The following SYN3 variants were observed in gnomAD, a reference collection of about 807,000 sequenced individuals.
SYN3 encodes the protein synapsin-3.
A neutral mutation model predicts 65.8 loss-of-function variants in SYN3; 35 were observed. The ratio of observed to expected loss-of-function variants is 0.53; its 90% CI spans 0.41 to 0.70. The LOEUF (loss-of-function observed/expected upper bound fraction) is 0.70. Among genes scored for constraint, SYN3 ranks in the 30% least tolerant of loss-of-function variants. The probability of loss-of-function intolerance (pLI) is 0.00; values close to 1 mark genes in which losing one functional copy is unlikely to be tolerated. For synonymous variants in SYN3, 270 were observed against 292.9 expected, an observed-to-expected ratio of 0.92 and a Z score of 0.80; for missense variants, 680 against 749.0, an observed-to-expected ratio of 0.91 and a Z score of 1.08.
At chr22:32,893,609 G>A (rs752402439) in intron 4 of SYN3, among the ~76,000 whole-genome samples, 3 of 152,150 alleles carry the variant, frequency 2.0e-5, no homozygotes, top group Non-Finnish European at 4.4e-5. Context: ...GACTGTCCAC[G>A]TGTGGGGAAG....
chr22:32,945,082 G>A (rs981001700), intron 3 of SYN3, among the ~76,000 whole-genome samples: 3 of 152,146 alleles, frequency 2.0e-5, no homozygotes, highest in Admixed American at 6.5e-5. Context: ...CTCATGGATA[G>A]GAAGAATCAA....
At chr22:32,825,567 A>T (rs2047378368) in intron 6 of SYN3, among the ~76,000 whole-genome samples, 1 of 145,954 alleles carries the variant, frequency 6.9e-6, no homozygotes, top group Non-Finnish European at 1.5e-5. Flanking sequence ...GCTGAGGCAG[A>T]GAATCACTTG....
chr22:32,775,420 A>G (rs2045884950), intron 6 of SYN3, among the ~76,000 whole-genome samples: 1 of 152,190 alleles, frequency 6.6e-6, no homozygotes, highest in Non-Finnish European at 1.5e-5. Flanking sequence ...TGGAATGCCA[A>G]GAGAGTGGTG....
At chr22:33,015,169 C>T (rs578197221) in intron 1 of SYN3, 225 of 195,352 alleles carry the variant, frequency 1.2e-3, no homozygotes, top group African/African-American at 5.8e-3. Flanking sequence ...TGCAGTGAGC[C>T]GAGATGGCGC....
At chr22:32,670,836 G>C (rs2060350360) in intron 6 of SYN3, among the ~76,000 whole-genome samples, 1 of 152,220 alleles carries the variant, frequency 6.6e-6, no homozygotes, top group African/African-American at 2.4e-5. Context: ...TGAATGTCTG[G>C]AGTAATGAGG....
At chr22:33,009,360 A>G (rs185157340) in intron 1 of SYN3, among the ~76,000 whole-genome samples, 232 of 152,238 alleles carry the variant, frequency 1.5e-3, no homozygotes, top group Non-Finnish European at 2.4e-3. Context: ...ATTTTGTCTG[A>G]TATTTAATGA....
intron 6 of SYN3, among the ~76,000 whole-genome samples, chr22:32,799,225 G>A (rs1417648262): frequency 6.6e-6 from 1 of 152,144 alleles, no homozygotes; most frequent in African/African-American, 2.4e-5. Context: ...GGTGGGCAGA[G>A]GGGAACTGAC....
intron 6 of SYN3, among the ~76,000 whole-genome samples, chr22:32,767,107 C>CAATT (rs2045646826): frequency 6.6e-6 from 1 of 152,170 alleles, no homozygotes; most frequent in Non-Finnish European, 1.5e-5. Flanking sequence ...TTGACTCAAT[C>CAATT]CCTACTGCGC....
intron 6 of SYN3, among the ~76,000 whole-genome samples, chr22:32,632,160 C>T (rs2059756142): frequency 6.6e-6 from 1 of 152,250 alleles, no homozygotes; most frequent in Admixed American, 6.5e-5. Flanking sequence ...GCGCCCATAT[C>T]ACCAGGCAGG....
intron 9 of SYN3, among the ~76,000 whole-genome samples, chr22:32,537,253 G>A (rs2058181455): frequency 6.6e-6 from 1 of 151,972 alleles, no homozygotes; most frequent in African/African-American, 2.4e-5. Flanking sequence ...TCCGCCTCCT[G>A]GGTTCAAGTG....
chr22:32,816,986 G>A (rs1192397912), intron 6 of SYN3, among the ~76,000 whole-genome samples: 1 of 152,056 alleles, frequency 6.6e-6, no homozygotes, highest in Non-Finnish European at 1.5e-5. Flanking sequence ...GGGAGGCTGA[G>A]GCGAGAGGAT....
chr22:32,756,518 T>G (rs908014666), intron 6 of SYN3, among the ~76,000 whole-genome samples: 1 of 152,222 alleles, frequency 6.6e-6, no homozygotes, highest in South Asian at 2.1e-4. Flanking sequence ...CCGACTGATA[T>G]AGTTTGGATG....
At chr22:32,779,803 T>G (rs2045989856) in intron 6 of SYN3, among the ~76,000 whole-genome samples, 1 of 151,994 alleles carries the variant, frequency 6.6e-6, no homozygotes, top group African/African-American at 2.4e-5. Flanking sequence ...TGCTAGCGAC[T>G]CCTCCACGCT....
Position 32,507,879 on chromosome 22 carries a change from C to T in SYN3, c.*5813G>A, listed in dbSNP as rs545488463. Among the ~76,000 whole-genome samples, 14 of 152,122 alleles carry T rather than the reference C, an allele frequency of 9.2e-5. No individual in the cohort carries two copies. Among genetic ancestry groups the T allele is most frequent in the African/African-American group, 3.1e-4 (13 of 41,446 alleles). On this transcript the variant is annotated 3_prime_UTR_variant, in exon 14 of 14. Coordinates refer to ENST00000358763, the MANE Select transcript of SYN3 (RefSeq NM_003490.4). Reference sequence around the variant, plus strand: ...TCTTCTAACATCCCCACAATATCACCCCTTACCACGAGACCTCCCTTCAGC... The same window carrying T: ...TCTTCTAACATCCCCACAATATCACTCCTTACCACGAGACCTCCCTTCAGC...
At chr22:33,044,287 T>C (rs1051065405) in intron 1 of SYN3, among the ~76,000 whole-genome samples, 20 of 152,210 alleles carry the variant, frequency 1.3e-4, no homozygotes, top group African/African-American at 4.3e-4. Flanking sequence ...TGGTTCACTG[T>C]AGCAGTAGCT....
chr22:32,955,035 T>C (rs1439102784), intron 3 of SYN3, among the ~76,000 whole-genome samples: 1 of 151,808 alleles, frequency 6.6e-6, no homozygotes, highest in African/African-American at 2.4e-5. Flanking sequence ...TCTATTCTCA[T>C]TGCTACCCAT....
chr22:32,634,775 C>T (rs1412165005), intron 6 of SYN3, among the ~76,000 whole-genome samples: 4 of 152,184 alleles, frequency 2.6e-5, no homozygotes, highest in African/African-American at 9.7e-5. Flanking sequence ...CTCCGGAATC[C>T]CTTGGCCACC....
rs2053210254 is a variant in SYN3, at chr22:33,006,762, G to T, written c.-100C>A. 2.4e-6 allele frequency: 3 copies of T among 1,233,332 alleles called. No homozygotes were observed. Among genetic ancestry groups the T allele is most frequent in the Non-Finnish European group, 3.4e-6 (3 of 889,862 alleles). 76.4% of individuals were successfully genotyped at this position (1,233,332 alleles called of 1,614,324 possible). A position where few individuals can be genotyped will look rare whatever the true frequency, so the allele number is the denominator to read the frequency against. ...AGGTACAGGGAGTGGTAGGACTTTA[G>T]CCAGAAGAGCCAGGGGGATTTTGCG... On this transcript the variant is annotated 5_prime_UTR_variant, in exon 2 of 14. Coordinates refer to ENST00000358763, the MANE Select transcript of SYN3 (RefSeq NM_003490.4).
chr22:32,957,194 C>T (rs569089232), intron 3 of SYN3, among the ~76,000 whole-genome samples: 134 of 152,260 alleles, frequency 8.8e-4, no homozygotes, highest in Middle Eastern at 3.4e-3. Context: ...TCCAGAAGCA[C>T]GAGGGCTCCA....
Sources: allele counts gnomAD v4.1 joint callset (sites outside exome capture counted in the v4.1 genomes callset), GRCh38; gene constraint gnomAD v4.1.1; transcripts MANE v1.5; gene names NCBI Gene and HGNC (gene_info 2026-07-23, HGNC 2026-07-21).